POU6F2: variants seen among roughly 807,000 people sequenced by gnomAD.
POU6F2 encodes the protein POU domain, class 6, transcription factor 2.
A neutral mutation model predicts 71.3 loss-of-function variants in POU6F2; 31 were observed. That is an observed-to-expected ratio of 0.43 (90% confidence interval 0.33 to 0.59). The LOEUF (loss-of-function observed/expected upper bound fraction) is 0.59, where lower values mean the gene tolerates loss of function less well. POU6F2 is among the 20% of genes least tolerant of loss of function. The pLI is 0.04. For missense variants in POU6F2, 783 were observed against 856.8 expected, an observed-to-expected ratio of 0.91 and a Z score of 1.07; for synonymous variants, 347 against 355.7, an observed-to-expected ratio of 0.98 and a Z score of 0.27.
chr7:38,990,714 C>T (rs1457177193), intron 1 of POU6F2, among the ~76,000 whole-genome samples: 2 of 152,078 alleles, frequency 1.3e-5, no homozygotes, highest in Non-Finnish European at 2.9e-5. Context: ...TGTACCGCCA[C>T]CTCTCCACAC....
chr7:39,121,547 A>G (rs533116911), intron 2 of POU6F2, among the ~76,000 whole-genome samples: 1 of 152,316 alleles, frequency 6.6e-6, no homozygotes, highest in African/African-American at 2.4e-5. Context: ...CTCACTCATT[A>G]TCTTGTAGTA....
chr7:39,233,904 A>C (rs1442370708), intron 4 of POU6F2, among the ~76,000 whole-genome samples: 1 of 152,120 alleles, frequency 6.6e-6, no homozygotes, highest in Admixed American at 6.6e-5. Flanking sequence ...GAGCATGGGG[A>C]TATTTCCTCT....
intron 4 of POU6F2, among the ~76,000 whole-genome samples, chr7:39,324,306 T>C: frequency 6.6e-6 from 1 of 152,178 alleles, no homozygotes; most frequent in Non-Finnish European, 1.5e-5. Flanking sequence ...GTTGACACTT[T>C]GGCACTTCCT....
intron 5 of POU6F2, among the ~76,000 whole-genome samples, chr7:39,402,814 G>A (rs1211948707): frequency 6.6e-6 from 1 of 152,014 alleles, no homozygotes; most frequent in East Asian, 1.9e-4. Context: ...TAAAAATAGG[G>A]AATAGTTACC....
intron 4 of POU6F2, among the ~76,000 whole-genome samples, chr7:39,238,107 C>T (rs183193233): frequency 2.6e-5 from 4 of 152,166 alleles, no homozygotes; most frequent in South Asian, 2.1e-4. Flanking sequence ...CTCTGAGGTT[C>T]GCTCACGGGT....
rs1421648346 is a variant in POU6F2 at position 39,427,199 on chromosome 7, A to G, written c.1114-5878A>G. On this transcript the variant is annotated intron_variant, in intron 6 of 9. Transcript: ENST00000518318. The stretch of plus-strand genomic sequence containing the variant: ...TAAACCACAGTGTTGAGTGCTTTGC[A>G]TAGATTATCTTAGTTCTCACAGTAA... Among the ~76,000 whole-genome samples, 5 of 152,332 alleles carry G rather than the reference A, an allele frequency of 3.3e-5. No individual in the cohort carries two copies. The East Asian group carries it at 9.6e-4, about 29-fold the overall frequency.
chr7:39,007,417 C>T (rs1309530621), intron 1 of POU6F2, among the ~76,000 whole-genome samples: 1 of 152,156 alleles, frequency 6.6e-6, no homozygotes, highest in Non-Finnish European at 1.5e-5. Flanking sequence ...GGAATGTATT[C>T]TGTCTTGAAG....
intron 2 of POU6F2, among the ~76,000 whole-genome samples, chr7:39,171,950 T>C (rs1025744352): frequency 2.6e-5 from 4 of 152,214 alleles, no homozygotes; most frequent in Non-Finnish European, 5.9e-5. Context: ...TTTTTGTTTA[T>C]TTGTTCTTAT....
intron 4 of POU6F2, among the ~76,000 whole-genome samples, chr7:39,227,863 G>A (rs1328687412): frequency 3.9e-5 from 6 of 152,086 alleles, no homozygotes; most frequent in Non-Finnish European, 8.8e-5. Context: ...GGCAACATTG[G>A]TACCTTTAAA....
At chr7:39,229,712 G>A (rs1015887135) in intron 4 of POU6F2, among the ~76,000 whole-genome samples, 7 of 152,190 alleles carry the variant, frequency 4.6e-5, no homozygotes, top group South Asian at 2.1e-4. Flanking sequence ...CCATTCACAT[G>A]GAAAGTGTGT....
intron 2 of POU6F2, among the ~76,000 whole-genome samples, chr7:39,161,670 T>C (rs1469122987): frequency 2.2e-4 from 34 of 152,150 alleles, no homozygotes; most frequent in Non-Finnish European, 4.4e-5. Flanking sequence ...GGCTCATGGC[T>C]CTATTGGTCA....
At position 39,232,168 on chromosome 7, in the gene POU6F2, T is replaced by A. The variant is rs534174586; in HGVS notation, c.598+24548T>A. On this transcript the variant is annotated intron_variant, in intron 4 of 9. Transcript: ENST00000518318. Reference sequence around the variant, plus strand: ...CTGAAGTATATAAATATTCAACAATTTTAGAAGCAGATAAAAATGTATGAT... The same window carrying A: ...CTGAAGTATATAAATATTCAACAATATTAGAAGCAGATAAAAATGTATGAT... Among the ~76,000 whole-genome samples the A allele has an allele frequency of 1.1e-4, 17 of 152,318 alleles. No homozygotes were observed. The South Asian group carries it at 1.5e-3, about 13-fold the overall frequency.
chr7:39,375,337 T>C (rs1285794424), intron 5 of POU6F2, among the ~76,000 whole-genome samples: 2 of 152,212 alleles, frequency 1.3e-5, no homozygotes, highest in East Asian at 3.8e-4. Context: ...AGCCATTAAA[T>C]GAATAAATAT....
chr7:39,108,576 GT>G (rs941133039), intron 2 of POU6F2, among the ~76,000 whole-genome samples: 44 of 152,130 alleles, frequency 2.9e-4, no homozygotes, highest in African/African-American at 1.0e-3. Context: ...GCCTAGGCTG[GT>G]TGTGTACACC....
At chr7:39,005,480 A>G (rs1170495905) in intron 1 of POU6F2, among the ~76,000 whole-genome samples, 1 of 19,178 alleles carries the variant, frequency 5.2e-5, no homozygotes, top group African/African-American at 8.9e-5. Flanking sequence ...GGAAAGGGAG[A>G]AACCTGTGTG....
At chr7:39,264,526 A>G (rs4302750) in intron 4 of POU6F2, among the ~76,000 whole-genome samples, 116,583 of 151,974 alleles carry the variant, frequency 0.77, 45,016 homozygotes, top group East Asian at 0.86. Context: ...AACTTTGTTC[A>G]TCTCTATAAT....
At position 39,300,459 on chromosome 7, in the gene POU6F2, C is replaced by T. The variant is rs371486960; in HGVS notation, c.599-39183C>T. 1.9e-3 allele frequency among the ~76,000 whole-genome samples: 294 copies of T among 152,110 alleles called. 13 individuals carry two copies. In the South Asian group the frequency reaches 0.057, roughly 30 times the overall value. On this transcript the variant is annotated intron_variant, in intron 4 of 9. Coordinates refer to ENST00000518318, the MANE Select transcript of POU6F2 (RefSeq NM_001370959.1). ...GGCAAGTGACGAATGCTGGAGCTGG[C>T]CAACAGCCACCCTCTTCAGCCCTCA...
At chr7:39,304,673 A>C (rs1357536612) in intron 4 of POU6F2, among the ~76,000 whole-genome samples, 1 of 152,246 alleles carries the variant, frequency 6.6e-6, no homozygotes, top group Non-Finnish European at 1.5e-5. Flanking sequence ...ATTAAAATAA[A>C]AATAATGCCC....
intron 4 of POU6F2, among the ~76,000 whole-genome samples, chr7:39,276,278 G>A (rs1442313861): frequency 6.6e-6 from 1 of 152,156 alleles, no homozygotes; most frequent in Non-Finnish European, 1.5e-5. Context: ...AGACATTTAT[G>A]CAGCCAAAAG....
Sources: allele counts gnomAD v4.1 joint callset (sites outside exome capture counted in the v4.1 genomes callset), GRCh38; gene constraint gnomAD v4.1.1; transcripts MANE v1.5; gene names NCBI Gene and HGNC (gene_info 2026-07-23, HGNC 2026-07-21).